Variants in PSPN observed in about 807,000 individuals in gnomAD.
The protein encoded by PSPN is persephin.
A neutral mutation model predicts 9.4 loss-of-function variants in PSPN; 12 were observed. The observed-to-expected ratio is 1.28, with a 90% CI of 0.82 to 2.07. The LOEUF (loss-of-function observed/expected upper bound fraction) is 2.07. Ranked by LOEUF, PSPN falls within the 30% of genes most tolerant of loss-of-function variation. PSPN has a pLI of 0.00. For synonymous variants in PSPN, 115 were observed against 106.4 expected, an observed-to-expected ratio of 1.08 and a Z score of -0.50; for missense variants, 229 against 227.4, an observed-to-expected ratio of 1.01 and a Z score of -0.05.
rs978185664 is a variant in PSPN at position 6,375,188 on chromosome 19, G to A, written c.*106C>T. 13 of 1,312,000 alleles carry A rather than the reference G, an allele frequency of 9.9e-6. No individual in the cohort carries two copies. The highest frequency in any genetic ancestry group is 2.8e-4 in the Middle Eastern group (1 of 3,626). 81.3% of individuals were successfully genotyped at this position (1,312,000 alleles called of 1,614,324 possible). On this transcript the variant is annotated 3_prime_UTR_variant, in exon 2 of 2. Transcript: ENST00000245810. ...TCCTTTATTGCACTCACTGCTGGTC[G>A]CCCCAGCCCACTCCCCTCCTCGTTG...
At position 6,375,363 on chromosome 19, in the gene PSPN, G is replaced by A; in HGVS notation, c.402C>T (p.Phe134=). 6.8e-7 allele frequency: 1 copy of A among 1,472,934 alleles called. No homozygotes were observed. Among genetic ancestry groups the A allele is most frequent in the Non-Finnish European group, 8.9e-7 (1 of 1,121,150 alleles). The allele number at this position is 1,472,934 out of a possible 1,614,324, so 91.2% of individuals were successfully genotyped here. A position where few individuals can be genotyped will look rare whatever the true frequency, so the allele number is the denominator to read the frequency against. Residue 134 remains phenylalanine, a synonymous_variant, in exon 2 of 2, where the codon TTC becomes TTT. Coordinates refer to ENST00000245810, the MANE Select transcript of PSPN (RefSeq NM_004158.5). The stretch of plus-strand genomic sequence containing the variant: ...GCTGCCAGCGGTGGCGGTCATCGAG[G>A]AAGGCCACGTCGGTGTAGCGAGTGG... ...CRPTRYTDVA[F]LDDRHRWQRL... is the part of the protein sequence containing the mutation.
chr19:6,375,436 G>A lies in PSPN; in HGVS notation c.329C>T (p.Ala110Val), dbSNP rs1384983443. 1 of 1,543,790 alleles carries A rather than the reference G, an allele frequency of 6.5e-7. No individual in the cohort carries two copies. The highest frequency in any genetic ancestry group is 2.0e-5 in the Admixed American group (1 of 50,160). The change falls in exon 2 of 2, where the codon GCC (alanine) becomes GTC (valine). Residue 110 changes from alanine to valine, a missense_variant. Ala to Val is a moderately conservative substitution (Grantham distance 64). Transcript: ENST00000245810. ...GARTQHGLAL[A>V]RLQGQGRAHG... The stretch of plus-strand genomic sequence containing the variant: ...GGCTCGGCCCTGGCCCTGCAGCCGG[G>A]CCAGCGCCAGGCCATGCTGGGTGCG...
At position 6,375,893 on chromosome 19, in the gene PSPN, A is replaced by T; in HGVS notation, c.-44T>A. 1.9e-6 allele frequency: 3 copies of T among 1,613,040 alleles called. No individual in the cohort carries two copies. The highest frequency in any genetic ancestry group is 1.7e-5 in the Admixed American group (1 of 59,960). On this transcript the variant is annotated 5_prime_UTR_variant, in exon 1 of 2. Transcript: ENST00000245810. ...AGAGTGGGAGCTGTGCCCCAAATTT[A>T]TGCCCTGCCTGGGCTGGGAGCTAAC...
chr19:6,375,595 C>G lies in PSPN; in HGVS notation c.170G>C (p.Arg57Pro), dbSNP rs144043296. The change falls in exon 2 of 2, where the codon CGC (arginine) becomes CCC (proline). Residue 57 changes from arginine (R) to proline (P), a missense_variant. Coordinates refer to ENST00000245810, the MANE Select transcript of PSPN (RefSeq NM_004158.5). ...TGGACCAGACAGGGCTCGGCGCAGG[C>G]GGGCAAGGGGGCGGTGGGTGCCTGT... is the stretch of plus-strand genomic sequence containing the variant. ...TWLGTHRPLA[R>P]LRRALSGPCQ... 1 of 1,584,352 alleles carries G rather than the reference C, an allele frequency of 6.3e-7. No homozygotes were observed. The highest frequency in any genetic ancestry group is 8.6e-7 in the Non-Finnish European group (1 of 1,164,708).
rs368371996 is a variant in PSPN at position 6,375,750 on chromosome 19, C to T, written c.100G>A (p.Gly34Arg). The T allele has an allele frequency of 3.7e-6, 6 of 1,613,956 alleles. No individual in the cohort carries two copies. The highest frequency in any genetic ancestry group is 2.2e-5 in the East Asian group (1 of 44,874). ...GCCACCTGTTCAGACGAGAACTCTC[C>T]ATCGGCCACGGGAACCCCACGGGCA... The part of the protein sequence containing the change: ...PDARGVPVAD[G>R]EFSSEQVAKA... The change falls in exon 1 of 2, where the codon GGA becomes AGA. Residue 34 changes from glycine (G) to arginine (R), a missense_variant. Transcript: ENST00000245810.
chr19:6,375,778 G>C lies in PSPN; in HGVS notation c.72C>G (p.Pro24=), dbSNP rs200605933. Residue 24 remains proline (P), a synonymous_variant, in exon 1 of 2, where the codon CCC becomes CCG. Transcript: ENST00000245810. ...CGGCCACGGGAACCCCACGGGCATC[G>C]GGGCCCCAGCCCTGTCCCAGCTGCA... ...LSLQLGQGWG[P]DARGVPVADG... The C allele has an allele frequency of 6.2e-7, 1 of 1,614,000 alleles. No homozygotes were observed. The highest frequency in any genetic ancestry group is 1.1e-5 in the South Asian group (1 of 91,074).
Position 6,375,490 on chromosome 19 carries a change from T to C in PSPN, c.275A>G (p.Tyr92Cys). The C allele has an allele frequency of 1.3e-6, 2 of 1,556,794 alleles. No individual in the cohort carries two copies. The highest frequency in any genetic ancestry group is 1.2e-5 in the South Asian group (1 of 84,536). Residue 92 changes from tyrosine (Y) to cysteine (C), a missense_variant, in exon 2 of 2, where the codon TAC becomes TGC. Coordinates refer to ENST00000245810, the MANE Select transcript of PSPN (RefSeq NM_004158.5). ...YASEEKVIFR[Y>C]CAGSCPRGAR... is the part of the protein sequence containing the mutation. ...ACCACGGGGGCAGCTGCCGGCGCAG[T>C]AGCGGAAGATGACCTTCTCCTCTGA...
At position 6,375,746 on chromosome 19, in the gene PSPN, T is replaced by C. The variant is rs547022721; in HGVS notation, c.104A>G (p.Glu35Gly). Residue 35 changes from glutamate to glycine, a missense_variant, in exon 1 of 2, where the codon GAG (glutamate) becomes GGG (glycine). Glu to Gly is a moderately conservative substitution (Grantham distance 98). Transcript: ENST00000245810. ...DARGVPVADG[E>G]FSSEQVAKAG... The stretch of plus-strand genomic sequence containing the variant: ...CTTTGCCACCTGTTCAGACGAGAAC[T>C]CTCCATCGGCCACGGGAACCCCACG... The C allele has an allele frequency of 6.2e-7, 1 of 1,613,842 alleles. No homozygotes were observed. The highest frequency in any genetic ancestry group is 1.7e-5 in the Admixed American group (1 of 60,002).
In PSPN at chr19:6,375,623, G is replaced by A. The variant is rs1002298396; in HGVS notation, c.149-7C>T. 1 of 1,590,428 alleles carries A rather than the reference G, an allele frequency of 6.3e-7. No homozygotes were observed. The highest frequency in any genetic ancestry group is 8.6e-7 in the Non-Finnish European group (1 of 1,167,496). On this transcript the variant is annotated splice_polypyrimidine_tract_variant and splice_region_variant and intron_variant, in intron 1 of 1. Transcript: ENST00000245810. ...GCAAGGGGGCGGTGGGTGCCTGTGG[G>A]AGGGAAGGGCGCTGACAGTGAGCAG...
rs1290764482 is a variant in PSPN, at chr19:6,375,390, C to T, written c.375G>A (p.Arg125=). ...AGGCCACGTCGGTGTAGCGAGTGGGCCGGCAGCAGGGCCCGCCGTGGGCTC... is the reference window on the plus strand; with the variant it reads ...AGGCCACGTCGGTGTAGCGAGTGGGTCGGCAGCAGGGCCCGCCGTGGGCTC... ...QGRAHGGPCC[R]PTRYTDVAFL... is the part of the protein sequence containing the mutation. Residue 125 remains arginine, a synonymous_variant, in exon 2 of 2, where the codon CGG becomes CGA. Coordinates refer to ENST00000245810, the MANE Select transcript of PSPN (RefSeq NM_004158.5). 6 of 1,481,306 alleles carry T rather than the reference C, an allele frequency of 4.1e-6. No individual in the cohort carries two copies. In the East Asian group the frequency reaches 1.0e-4, roughly 26 times the overall value. 91.8% of individuals were successfully genotyped at this position (1,481,306 alleles called of 1,614,324 possible). A position where few individuals can be genotyped will look rare whatever the true frequency, so the allele number is the denominator to read the frequency against.
chr19:6,375,305 A>T lies in PSPN; in HGVS notation c.460T>A (p.Cys154Ser), dbSNP rs1322958014. ...CAGGCCGGGCACCCTCAGCCACCAC[A>T]GCCGCAGGCAGCCGCCGAGAGCTGG... ...LPQLSAAACG[C>S]GG is the part of the protein sequence containing the mutation. The change falls in exon 2 of 2, where the codon TGT becomes AGT. Residue 154 changes from cysteine (C) to serine (S), a missense_variant. Cys to Ser is a moderately radical substitution (Grantham distance 112). Transcript: ENST00000245810. The T allele has an allele frequency of 2.1e-5, 30 of 1,415,894 alleles. No individual in the cohort carries two copies. The highest frequency in any genetic ancestry group is 2.6e-5 in the Non-Finnish European group (29 of 1,096,232). 87.7% of individuals were successfully genotyped at this position (1,415,894 alleles called of 1,614,324 possible).
chr19:6,375,712 C>T lies in PSPN; in HGVS notation c.138G>A (p.Gly46=), dbSNP rs199687787. Residue 46 remains glycine, a synonymous_variant, in exon 1 of 2, where the codon GGG becomes GGA. Transcript: ENST00000245810. ...FSSEQVAKAG[G]TWLGTHRPLA... ...CCTGGAAGTCCTTACCCAGCCAGGT[C>T]CCTCCAGCCTTTGCCACCTGTTCAG... 13 of 1,613,752 alleles carry T rather than the reference C, an allele frequency of 8.1e-6. No individual in the cohort carries two copies. In the East Asian group the frequency reaches 1.3e-4, roughly 17 times the overall value.
chr19:6,375,701 C>G lies in PSPN; in HGVS notation c.148+1G>C, dbSNP rs144981753. The G allele has an allele frequency of 1.2e-6, 2 of 1,613,396 alleles. No individual in the cohort carries two copies. Among genetic ancestry groups the G allele is most frequent in the Non-Finnish European group, 1.7e-6 (2 of 1,179,678 alleles). ...CACAGAGGGTCCCTGGAAGTCCTTACCCAGCCAGGTCCCTCCAGCCTTTGC... is the reference window on the plus strand; with the variant it reads ...CACAGAGGGTCCCTGGAAGTCCTTAGCCAGCCAGGTCCCTCCAGCCTTTGC... On this transcript the variant is annotated splice_donor_variant, in intron 1 of 1. Transcript: ENST00000245810. LOFTEE classifies it high-confidence loss of function.
In PSPN at chr19:6,375,446, G is replaced by C. The variant is rs1318546126; in HGVS notation, c.319C>G (p.Leu107Val). 2.6e-6 allele frequency: 4 copies of C among 1,546,142 alleles called. No individual in the cohort carries two copies. The highest frequency in any genetic ancestry group is 3.5e-6 in the Non-Finnish European group (4 of 1,144,852). ...TGGCCCTGCAGCCGGGCCAGCGCCA[G>C]GCCATGCTGGGTGCGGGCACCACGG... ...CPRGARTQHGLALARLQGQGR... is the reference protein window; with the variant it reads ...CPRGARTQHGVALARLQGQGR... Residue 107 changes from leucine (L) to valine (V), a missense_variant, in exon 2 of 2, where the codon CTG becomes GTG. By Grantham distance (32) the Leu-to-Val change is conservative. Coordinates refer to ENST00000245810, the MANE Select transcript of PSPN (RefSeq NM_004158.5).
In PSPN at chr19:6,375,225, A is replaced by T; in HGVS notation, c.*69T>A. On this transcript the variant is annotated 3_prime_UTR_variant, in exon 2 of 2. Coordinates refer to ENST00000245810, the MANE Select transcript of PSPN (RefSeq NM_004158.5). Reference sequence around the variant, plus strand: ...TCCCCTCCTCGTTGTCTCTGCATCCAGGTCTCCAATAAATAAGTCAGCCGA... The same window carrying T: ...TCCCCTCCTCGTTGTCTCTGCATCCTGGTCTCCAATAAATAAGTCAGCCGA... The T allele has an allele frequency of 7.3e-7, 1 of 1,378,226 alleles. No homozygotes were observed. Among genetic ancestry groups the T allele is most frequent in the Non-Finnish European group, 9.4e-7 (1 of 1,068,468 alleles). The allele number at this position is 1,378,226 out of a possible 1,614,324, so 85.4% of individuals were successfully genotyped here.
chr19:6,375,596 G>A lies in PSPN; in HGVS notation c.169C>T (p.Arg57Cys), dbSNP rs761239429. 78 of 1,583,678 alleles carry A rather than the reference G, an allele frequency of 4.9e-5. No individual in the cohort carries two copies. The highest frequency in any genetic ancestry group is 2.9e-4 in the Admixed American group (16 of 55,178). Reference protein sequence around the residue: ...TWLGTHRPLARLRRALSGPCQ... With the variant: ...TWLGTHRPLACLRRALSGPCQ... ...GGACCAGACAGGGCTCGGCGCAGGCGGGCAAGGGGGCGGTGGGTGCCTGTG... is the reference window on the plus strand; with the variant it reads ...GGACCAGACAGGGCTCGGCGCAGGCAGGCAAGGGGGCGGTGGGTGCCTGTG... The change falls in exon 2 of 2, where the codon CGC (arginine) becomes TGC (cysteine). Residue 57 changes from arginine to cysteine, a missense_variant. Coordinates refer to ENST00000245810, the MANE Select transcript of PSPN (RefSeq NM_004158.5).
In PSPN at chr19:6,375,497, A is replaced by T; in HGVS notation, c.268T>A (p.Phe90Ile). 6.4e-7 allele frequency: 1 copy of T among 1,558,598 alleles called. No homozygotes were observed. The highest frequency in any genetic ancestry group is 8.7e-7 in the Non-Finnish European group (1 of 1,151,454). ...LGYASEEKVI[F>I]RYCAGSCPRG... ...GGGCAGCTGCCGGCGCAGTAGCGGAAGATGACCTTCTCCTCTGAGGCGTAG... is the reference window on the plus strand; with the variant it reads ...GGGCAGCTGCCGGCGCAGTAGCGGATGATGACCTTCTCCTCTGAGGCGTAG... Residue 90 changes from phenylalanine to isoleucine, a missense_variant, in exon 2 of 2, where the codon TTC (phenylalanine) becomes ATC (isoleucine). Physicochemically the swap from Phe to Ile is conservative, Grantham distance 21. Coordinates refer to ENST00000245810, the MANE Select transcript of PSPN (RefSeq NM_004158.5).
At position 6,375,817 on chromosome 19, in the gene PSPN, C is replaced by G; in HGVS notation, c.33G>C (p.Leu11=). The G allele has an allele frequency of 6.2e-7, 1 of 1,614,070 alleles. No homozygotes were observed. Among genetic ancestry groups the G allele is most frequent in the East Asian group, 2.2e-5 (1 of 44,860 alleles). The part of the protein sequence containing the change: MAVGKFLLGS[L]LLLSLQLGQG... Reference sequence around the variant, plus strand: ...GTCCCAGCTGCAGGGACAGGAGCAGCAGGGAGCCCAGCAGGAACTTCCCTA... The same window carrying G: ...GTCCCAGCTGCAGGGACAGGAGCAGGAGGGAGCCCAGCAGGAACTTCCCTA... Residue 11 remains leucine (L), a synonymous_variant, in exon 1 of 2, where the codon CTG becomes CTC. Coordinates refer to ENST00000245810, the MANE Select transcript of PSPN (RefSeq NM_004158.5).
chr19:6,375,407 C>G lies in PSPN; in HGVS notation c.358G>C (p.Gly120Arg). Reference sequence around the variant, plus strand: ...CGAGTGGGCCGGCAGCAGGGCCCGCCGTGGGCTCGGCCCTGGCCCTGCAGC... The same window carrying G: ...CGAGTGGGCCGGCAGCAGGGCCCGCGGTGGGCTCGGCCCTGGCCCTGCAGC... ...ARLQGQGRAH[G>R]GPCCRPTRYT... The change falls in exon 2 of 2, where the codon GGC (glycine) becomes CGC (arginine). Residue 120 changes from glycine to arginine, a missense_variant. Coordinates refer to ENST00000245810, the MANE Select transcript of PSPN (RefSeq NM_004158.5). 2.0e-6 allele frequency: 3 copies of G among 1,506,550 alleles called. No individual in the cohort carries two copies. The highest frequency in any genetic ancestry group is 2.6e-6 in the Non-Finnish European group (3 of 1,132,628). 93.3% of individuals were successfully genotyped at this position (1,506,550 alleles called of 1,614,324 possible).
Sources: gnomAD v4.1 joint callset for allele counts on GRCh38, gnomAD v4.1.1 for gene constraint, MANE v1.5 for transcripts, NCBI Gene and HGNC (gene_info 2026-07-23, HGNC 2026-07-21) for gene names.